ATRNL1: variants seen among roughly 807,000 people sequenced by gnomAD.
ATRNL1 encodes attractin like 1.
ATRNL1 carries 95 observed loss-of-function variants against 182.7 expected under a neutral mutation model. The observed-to-expected ratio is 0.52, with a 90% CI of 0.44 to 0.62. The LOEUF (loss-of-function observed/expected upper bound fraction) is 0.62. ATRNL1 is among the 20% of genes least tolerant of loss of function. The probability of loss-of-function intolerance (pLI) is 0.00; values close to 1 mark genes in which losing one functional copy is unlikely to be tolerated. For synonymous variants in ATRNL1, 576 were observed against 568.3 expected (o/e 1.01, Z -0.19); for missense variants, 1,471 against 1,679.5 (o/e 0.88, Z 2.17).
chr10:115,719,542 A>G (rs1947355536), intron 26 of ATRNL1, among the ~76,000 whole-genome samples: 1 of 152,192 alleles, frequency 6.6e-6, no homozygotes, highest in African/African-American at 2.4e-5. Flanking sequence ...TTAGTGTTTC[A>G]CTTAGACTAA....
In ATRNL1 at chr10:115,870,762, A is replaced by T. The variant is rs1951560301; in HGVS notation, c.4018+22771A>T. Among the ~76,000 whole-genome samples the T allele has an allele frequency of 2.0e-5, 3 of 152,344 alleles. No homozygotes were observed. The South Asian group carries it at 6.2e-4, about 32-fold the overall frequency. On this transcript the variant is annotated intron_variant, in intron 28 of 28. Coordinates refer to ENST00000355044, the MANE Select transcript of ATRNL1 (RefSeq NM_207303.4). ...TCTGGAGCCAGACTGTCTGAGATTT[A>T]ATTCCTAGCTCTACAATTTAGTAGC...
chr10:115,638,065 A>T (rs782028114), intron 26 of ATRNL1, among the ~76,000 whole-genome samples: 7 of 152,148 alleles, frequency 4.6e-5, no homozygotes, highest in South Asian at 2.1e-4. Flanking sequence ...AGGCTTCCAC[A>T]TTCACTCACT....
At chr10:115,137,647 A>G (rs960605844) in intron 5 of ATRNL1, among the ~76,000 whole-genome samples, 12 of 152,184 alleles carry the variant, frequency 7.9e-5, no homozygotes, top group African/African-American at 1.9e-4. Context: ...CTTATTTGCT[A>G]TCATGAGAAT....
chr10:115,378,933 A>G (rs1857828885), intron 19 of ATRNL1, among the ~76,000 whole-genome samples: 1 of 152,216 alleles, frequency 6.6e-6, no homozygotes, highest in African/African-American at 2.4e-5. Context: ...TGATGCAAGC[A>G]AGGAAATAAT....
chr10:115,372,087 A>G (rs1028666516), intron 19 of ATRNL1, among the ~76,000 whole-genome samples: 1 of 152,210 alleles, frequency 6.6e-6, no homozygotes, highest in African/African-American at 2.4e-5. Flanking sequence ...CTCCCCAGCC[A>G]TGTGGAACTG....
intron 26 of ATRNL1, among the ~76,000 whole-genome samples, chr10:115,580,433 G>T (rs1555006858): frequency 1.3e-5 from 2 of 152,008 alleles, no homozygotes; most frequent in Admixed American, 6.6e-5. Context: ...CTTCTGGCCT[G>T]TAATGTTTCT....
At chr10:115,741,643 C>T (rs546601071) in intron 27 of ATRNL1, among the ~76,000 whole-genome samples, 30 of 152,188 alleles carry the variant, frequency 2.0e-4, no homozygotes, top group African/African-American at 7.0e-4. Flanking sequence ...GGTAGAGAAA[C>T]AATTTGGAAG....
intron 28 of ATRNL1, among the ~76,000 whole-genome samples, chr10:115,912,480 G>A (rs1952713504): frequency 6.6e-6 from 1 of 151,812 alleles, no homozygotes; most frequent in Non-Finnish European, 1.5e-5. Context: ...TACTGCTGGT[G>A]GAAGAACAGT....
chr10:115,567,347 T>C (rs1172985787), intron 26 of ATRNL1, among the ~76,000 whole-genome samples: 2 of 152,176 alleles, frequency 1.3e-5, no homozygotes, highest in Non-Finnish European at 2.9e-5. Flanking sequence ...TGTGTTTTAA[T>C]TACTCTTTGA....
intron 1 of ATRNL1, among the ~76,000 whole-genome samples, chr10:115,095,069 A>G (rs1050677541): frequency 1.3e-5 from 2 of 152,200 alleles, no homozygotes; most frequent in Non-Finnish European, 2.9e-5. Context: ...ATAAAAAGCA[A>G]TGGGTCACAG....
intron 26 of ATRNL1, among the ~76,000 whole-genome samples, chr10:115,709,731 A>G (rs932840374): frequency 6.6e-6 from 1 of 152,038 alleles, no homozygotes; most frequent in Admixed American, 6.6e-5. Context: ...TAAAAGAATT[A>G]TTCTAACCCA....
chr10:115,321,512 C>T (rs542045449), intron 18 of ATRNL1, among the ~76,000 whole-genome samples: 6 of 152,046 alleles, frequency 3.9e-5, no homozygotes, highest in African/African-American at 1.4e-4. Context: ...GTCCTTGCTT[C>T]GTCAGGGAGT....
At chr10:115,681,514 T>C (rs1946045533) in intron 26 of ATRNL1, among the ~76,000 whole-genome samples, 1 of 152,144 alleles carries the variant, frequency 6.6e-6, no homozygotes, top group South Asian at 2.1e-4. Context: ...CCAAGCAGTC[T>C]GACTCCAGAA....
At chr10:115,466,376 A>G (rs942637704) in intron 22 of ATRNL1, among the ~76,000 whole-genome samples, 85 of 151,466 alleles carry the variant, frequency 5.6e-4, no homozygotes, top group African/African-American at 2.0e-3. Flanking sequence ...AAAGCATAAT[A>G]CACTCAGTAT....
chr10:115,825,513 A>C (rs943511609), intron 27 of ATRNL1, among the ~76,000 whole-genome samples: 24 of 152,142 alleles, frequency 1.6e-4, no homozygotes, highest in African/African-American at 5.6e-4. Flanking sequence ...AGTTGCCCTG[A>C]TCTGCCACCC....
chr10:115,199,264 T>A (rs75776410), intron 8 of ATRNL1, among the ~76,000 whole-genome samples: 2 of 152,040 alleles, frequency 1.3e-5, no homozygotes, highest in Admixed American at 6.6e-5. Flanking sequence ...TCAGTTTTTT[T>A]AATGAGCAAT....
At chr10:115,592,925 A>G (rs200516803) in intron 26 of ATRNL1, among the ~76,000 whole-genome samples, 19 of 118,308 alleles carry the variant, frequency 1.6e-4, no homozygotes, top group East Asian at 3.7e-4. Context: ...TTATCTAACT[A>G]TCTGTCTGTC....
chr10:115,471,685 A>G (rs115624588), intron 24 of ATRNL1, among the ~76,000 whole-genome samples: 2,286 of 150,770 alleles, frequency 0.015, 57 homozygotes, highest in African/African-American at 0.051. Context: ...CATTGTTTCC[A>G]TTGAGTTTTT....
chr10:115,919,206 T>C (rs1380426498), intron 28 of ATRNL1, among the ~76,000 whole-genome samples: 1 of 152,196 alleles, frequency 6.6e-6, no homozygotes, highest in Non-Finnish European at 1.5e-5. Context: ...ATTCTACTGA[T>C]TGTGATTATG....
Sources: gnomAD v4.1 joint callset for allele counts (sites outside exome capture counted in the v4.1 genomes callset) on GRCh38, gnomAD v4.1.1 for gene constraint, MANE v1.5 for transcripts, NCBI Gene and HGNC (gene_info 2026-07-23, HGNC 2026-07-21) for gene names.